Variants in ABR observed in about 807,000 individuals in gnomAD.
ABR encodes the protein active breakpoint cluster region-related protein.
In ABR, 35 loss-of-function variants were observed where a neutral mutation model predicts 107.2. The ratio of observed to expected loss-of-function variants is 0.33; its 90% CI spans 0.25 to 0.43. The LOEUF is 0.43. Ranked by LOEUF, ABR falls within the 20% of genes least tolerant of loss-of-function variation. The pLI is 1.00. For synonymous variants in ABR, 498 were observed against 462.0 expected (o/e 1.08, Z -1.00); for missense variants, 815 against 1,115.2 (o/e 0.73, Z 3.83).
intron 1 of ABR, among the ~76,000 whole-genome samples, chr17:1,159,279 CGGG>C (rs1567840684): frequency 0.028 from 1,700 of 61,272 alleles, 63 homozygotes; most frequent in African/African-American, 0.061. Context: ...TACTCACACA[CGGG>C]AGAGGTAAGA....
intron 1 of ABR, among the ~76,000 whole-genome samples, chr17:1,145,022 A>T (rs951130536): frequency 2.6e-5 from 4 of 152,180 alleles, no homozygotes; most frequent in Non-Finnish European, 4.4e-5. Context: ...TGTCTCAAAA[A>T]AAATAAATAA....
chr17:1,174,365 A>C (rs2041850075), intron 1 of ABR, among the ~76,000 whole-genome samples: 1 of 152,184 alleles, frequency 6.6e-6, no homozygotes, highest in African/African-American at 2.4e-5. Context: ...ACTAGCACAC[A>C]CGGAGGGGTC....
intron 3 of ABR, among the ~76,000 whole-genome samples, chr17:1,095,535 G>A (rs1321386883): frequency 2.0e-5 from 3 of 152,116 alleles, no homozygotes; most frequent in African/African-American, 7.2e-5. Flanking sequence ...GCTTCGGCAC[G>A]GCACAGCCAT....
intron 1 of ABR, among the ~76,000 whole-genome samples, chr17:1,204,557 A>AT (rs550754203): frequency 5.3e-5 from 8 of 152,218 alleles, no homozygotes; most frequent in Admixed American, 3.3e-4. Context: ...ATAATCCTGT[A>AT]TTTTTTCCTG....
chr17:1,079,788 C>CAAAAAAAAAAAAAAAAAAAA (rs57412625), intron 5 of ABR, among the ~76,000 whole-genome samples: 4 of 55,112 alleles, frequency 7.3e-5, no homozygotes, highest in Non-Finnish European at 1.5e-4. Context: ...GACTCTGTCT[C>CAAAAAAAAAAAAAAAAAAAA]AAAAAAAAAA....
At chr17:1,057,308 TTGTGTGTGTGTGTGTGTG>T (rs750525310) in intron 12 of ABR, among the ~76,000 whole-genome samples, 1,455 of 67,924 alleles carry the variant, frequency 0.021, 37 homozygotes, top group African/African-American at 0.076. Context: ...CTGAAGAGGT[TTGTGTGTGTGTGTGTGTG>T]TGTGTGTGTG....
chr17:1,024,135 G>A (rs1478395076), intron 16 of ABR, among the ~76,000 whole-genome samples: 3 of 152,100 alleles, frequency 2.0e-5, no homozygotes, highest in Non-Finnish European at 4.4e-5. Context: ...TTGCTGCCGG[G>A]GACGTGAGGG....
intron 16 of ABR, among the ~76,000 whole-genome samples, chr17:1,023,046 T>TGCCCCACGTCCGCTCCAGCGCCTCTGCCG (rs2071827799): frequency 7.6e-6 from 1 of 131,642 alleles, no homozygotes; most frequent in Non-Finnish European, 1.5e-5. Flanking sequence ...AGCCTCTGCC[T>TGCCCCACGTCCGCTCCAGCGCCTCTGCCG]GCCCCACGTC....
At position 1,088,007 on chromosome 17, in the gene ABR, T is replaced by C. The variant is rs974183204; in HGVS notation, c.531+3658A>G. On this transcript the variant is annotated intron_variant, in intron 4 of 22. Transcript: ENST00000302538. ...ACAAACAGCAGAGACGCTAATTCCC[T>C]TCTCTCAGTAACGAATAATCAAATA... is the stretch of plus-strand genomic sequence containing the variant. Among the ~76,000 whole-genome samples, 10 of 152,324 alleles carry C rather than the reference T, an allele frequency of 6.6e-5. No individual in the cohort carries two copies. In the South Asian group the frequency reaches 2.1e-3, roughly 32 times the overall value.
rs185679614 is a variant in ABR at position 1,207,711 on chromosome 17, T to A, written c.838+21082A>T. ...GAAACTGTTGGAATCACAGACCTTA[T>A]GACTTTGTAATTCCTTGCACAGCCT... On this transcript the variant is annotated intron_variant, in intron 1 of 22. Coordinates refer to the ABR transcript ENST00000574139. Among the ~76,000 whole-genome samples, 255 of 151,992 alleles carry A rather than the reference T, an allele frequency of 1.7e-3. 1 individual carries two copies. The highest frequency in any genetic ancestry group is 5.8e-3 in the African/African-American group (242 of 41,484).
In ABR at chr17:1,013,103, AC is replaced by A; in HGVS notation, c.1851+1del. 1 of 1,613,794 alleles carries A rather than the reference AC, an allele frequency of 6.2e-7. No individual in the cohort carries two copies. Among genetic ancestry groups the A allele is most frequent in the Non-Finnish European group, 8.5e-7 (1 of 1,179,922 alleles). ...CACTGATCATTCCCATCCCCGGCTCACCCCGTTCATCTCAATCACGTCCGTG... is the reference window on the plus strand; with the variant it reads ...CACTGATCATTCCCATCCCCGGCTCACCCGTTCATCTCAATCACGTCCGTG... On this transcript the variant is annotated splice_donor_variant, in intron 17 of 22. Coordinates refer to ENST00000302538, the MANE Select transcript of ABR (RefSeq NM_021962.5). LOFTEE classifies it high-confidence loss of function.
intron 1 of ABR, among the ~76,000 whole-genome samples, chr17:1,178,667 C>T (rs2042002360): frequency 6.6e-6 from 1 of 152,148 alleles, no homozygotes; most frequent in Non-Finnish European, 1.5e-5. Flanking sequence ...TCCCCCAACT[C>T]CTGCCTGGGA....
intron 1 of ABR, among the ~76,000 whole-genome samples, chr17:1,152,059 G>A (rs984696475): frequency 1.3e-5 from 2 of 149,942 alleles, no homozygotes; most frequent in Non-Finnish European, 2.9e-5. Flanking sequence ...GGAGGCCAAA[G>A]CAGGTGGATC....
chr17:1,033,152 T>G (rs561213720), intron 16 of ABR, among the ~76,000 whole-genome samples: 8 of 152,292 alleles, frequency 5.3e-5, no homozygotes, highest in Non-Finnish European at 1.2e-4. Flanking sequence ...GGACATTTCT[T>G]GGTTGACCCC....
At position 1,171,733 on chromosome 17, in the gene ABR, A is replaced by T. The variant is rs958592124; in HGVS notation, c.61+7934T>A. 3.3e-5 allele frequency among the ~76,000 whole-genome samples: 5 copies of T among 152,140 alleles called. No individual in the cohort carries two copies. In the East Asian group the frequency reaches 9.6e-4, roughly 29 times the overall value. ...GATCACCTGAGGTCAGGAGTTCGAG[A>T]CCAGCCTGATCAACATGGAGAAATC... On this transcript the variant is annotated intron_variant, in intron 1 of 22. Coordinates refer to ENST00000302538, the MANE Select transcript of ABR (RefSeq NM_021962.5).
intron 1 of ABR, among the ~76,000 whole-genome samples, chr17:1,199,390 G>A (rs1273628416): frequency 6.6e-6 from 1 of 151,010 alleles, no homozygotes; most frequent in African/African-American, 2.5e-5. Context: ...CATACAGGCT[G>A]TTGGGGTTTT....
intron 10 of ABR, among the ~76,000 whole-genome samples, chr17:1,062,193 T>C (rs369909592): frequency 2.5e-4 from 4 of 16,198 alleles, no homozygotes; most frequent in Admixed American, 4.9e-4. Flanking sequence ...CTAGACACTG[T>C]TGTTACGTGA....
rs2069972708 is a variant in ABR at position 1,005,722 on chromosome 17, A to G, written c.*358T>C. On this transcript the variant is annotated 3_prime_UTR_variant, in exon 23 of 23. Transcript: ENST00000302538. ...CCTTGGGCTGGACTCAGGCGGAAAG[A>G]AAGTGCTGGAGGAAATGAAAGAACA... is the stretch of plus-strand genomic sequence containing the variant. 1.9e-5 allele frequency: 6 copies of G among 311,452 alleles called. No individual in the cohort carries two copies. The Admixed American group carries it at 2.4e-4, about 12-fold the overall frequency. 19.3% of individuals were successfully genotyped at this position (311,452 alleles called of 1,614,324 possible).
chr17:1,171,669 C>T (rs548898085), intron 1 of ABR, among the ~76,000 whole-genome samples: 11 of 152,316 alleles, frequency 7.2e-5, no homozygotes, highest in East Asian at 5.8e-4. Flanking sequence ...CGGTGGCTCA[C>T]GCCTGTAATC....
Sources: gnomAD v4.1 joint callset for allele counts (sites outside exome capture counted in the v4.1 genomes callset) on GRCh38, gnomAD v4.1.1 for gene constraint, MANE v1.5 for transcripts, NCBI Gene and HGNC (gene_info 2026-07-23, HGNC 2026-07-21) for gene names.